The following ITGBL1 variants were observed in gnomAD, a reference collection of about 807,000 sequenced individuals.
The protein encoded by ITGBL1 is integrin beta-like protein 1.
In ITGBL1, 51 loss-of-function variants were observed where a neutral mutation model predicts 68.5. That is an observed-to-expected ratio of 0.74 (90% CI 0.59 to 0.94). The LOEUF is 0.94. Ranked by LOEUF, ITGBL1 falls within the 40% of genes least tolerant of loss-of-function variation. ITGBL1 has a pLI of 0.00. For missense variants in ITGBL1, 649 were observed against 647.4 expected (o/e 1.00, Z -0.03); for synonymous variants, 209 against 227.3 (o/e 0.92, Z 0.72).
chr13:101,465,024 A>T (rs2048365054), intron 2 of ITGBL1, among the ~76,000 whole-genome samples: 1 of 152,206 alleles, frequency 6.6e-6, no homozygotes, highest in Non-Finnish European at 1.5e-5. Flanking sequence ...GAAAACAATG[A>T]CGTATCATTT....
intron 2 of ITGBL1, among the ~76,000 whole-genome samples, chr13:101,492,564 G>C (rs1308118046): frequency 2.6e-5 from 4 of 152,158 alleles, no homozygotes; most frequent in Non-Finnish European, 4.4e-5. Context: ...GCCCTAAGAG[G>C]GTGGTCTGGA....
intron 7 of ITGBL1, among the ~76,000 whole-genome samples, chr13:101,635,371 A>T (rs1055756338): frequency 2.0e-5 from 3 of 152,130 alleles, no homozygotes; most frequent in African/African-American, 7.2e-5. Context: ...CGAAAATAAC[A>T]TCTATTTCAA....
chr13:101,714,810 C>T, intron 10 of ITGBL1: 1 of 485,064 alleles, frequency 2.1e-6, no homozygotes, highest in Non-Finnish European at 3.7e-6. Flanking sequence ...TCCCCACCCT[C>T]AAACTCACAT....
chr13:101,586,047 C>T (rs114202973), intron 6 of ITGBL1, among the ~76,000 whole-genome samples: 4 of 152,228 alleles, frequency 2.6e-5, no homozygotes, highest in African/African-American at 9.6e-5. Context: ...TGAACTGACA[C>T]TTCAATCCTC....
intron 2 of ITGBL1, among the ~76,000 whole-genome samples, chr13:101,547,890 T>G: frequency 6.7e-6 from 1 of 149,208 alleles, no homozygotes; most frequent in Non-Finnish European, 1.5e-5. Flanking sequence ...TAAATATGTG[T>G]ATATATCTCT....
At chr13:101,550,008 C>T (rs932133978) in intron 2 of ITGBL1, among the ~76,000 whole-genome samples, 1 of 152,004 alleles carries the variant, frequency 6.6e-6, no homozygotes, top group Non-Finnish European at 1.5e-5. Flanking sequence ...GGTAAATGGT[C>T]AAAAACTAGT....
chr13:101,685,963 T>G (rs564929861), intron 7 of ITGBL1, among the ~76,000 whole-genome samples: 78 of 152,210 alleles, frequency 5.1e-4, no homozygotes, highest in African/African-American at 1.8e-3. Context: ...GTACAGAGAA[T>G]TGGCCACTGG....
At chr13:101,464,463 G>A (rs2048356058) in intron 2 of ITGBL1, among the ~76,000 whole-genome samples, 1 of 151,692 alleles carries the variant, frequency 6.6e-6, no homozygotes, top group South Asian at 2.1e-4. Context: ...TATATATGTA[G>A]TTTTTTACAT....
intron 2 of ITGBL1, among the ~76,000 whole-genome samples, chr13:101,544,072 C>A (rs1444930391): frequency 6.6e-6 from 1 of 152,340 alleles, no homozygotes; most frequent in Non-Finnish European, 1.5e-5. Flanking sequence ...CATTCTCCAT[C>A]TAGCTTTGTT....
At chr13:101,623,979 A>G (rs1375358894) in intron 7 of ITGBL1, among the ~76,000 whole-genome samples, 2 of 152,112 alleles carry the variant, frequency 1.3e-5, no homozygotes, top group South Asian at 2.1e-4. Context: ...CTGGCTAAAC[A>G]TCTCCCCCCA....
intron 5 of ITGBL1, among the ~76,000 whole-genome samples, chr13:101,581,752 C>T (rs758211129): frequency 1.2e-4 from 19 of 152,246 alleles, no homozygotes; most frequent in Middle Eastern, 3.4e-3. Context: ...TCTGAACATA[C>T]ACTTGTGTGT....
chr13:101,715,229 A>G, intron 10 of ITGBL1: 1 of 217,014 alleles, frequency 4.6e-6, no homozygotes, highest in Non-Finnish European at 9.2e-6. Flanking sequence ...TATGTCAAAG[A>G]GCCTTATGTT....
At chr13:101,509,605 A>G (rs1401887349) in intron 2 of ITGBL1, among the ~76,000 whole-genome samples, 2 of 152,142 alleles carry the variant, frequency 1.3e-5, no homozygotes, top group Non-Finnish European at 2.9e-5. Flanking sequence ...ATTGGATGAT[A>G]AGGTTTGTAC....
intron 7 of ITGBL1, among the ~76,000 whole-genome samples, chr13:101,669,263 T>C (rs758396592): frequency 2.6e-5 from 4 of 151,538 alleles, no homozygotes; most frequent in Non-Finnish European, 5.9e-5. Flanking sequence ...GCAAAGAAGG[T>C]TATGAGGAAG....
intron 2 of ITGBL1, among the ~76,000 whole-genome samples, chr13:101,504,150 C>A (rs1243196525): frequency 6.6e-6 from 1 of 152,128 alleles, no homozygotes; most frequent in Admixed American, 6.6e-5. Context: ...GCTTTATAAA[C>A]ATATATTTCC....
rs2031465289 is a variant in ITGBL1, at chr13:101,618,690, C to T, written c.1015+20391C>T. ...CATGGGTTGACGCAACAGCCTCCAA[C>T]ACACACGTTTCTGCTTTTATCAGCC... On this transcript the variant is annotated intron_variant, in intron 7 of 10. Coordinates refer to ENST00000376180, the MANE Select transcript of ITGBL1 (RefSeq NM_004791.3). Among the ~76,000 whole-genome samples the T allele has an allele frequency of 2.6e-5, 4 of 152,170 alleles. No individual in the cohort carries two copies. The South Asian group carries it at 8.3e-4, about 32-fold the overall frequency.
chr13:101,572,576 G>T (rs1406441857), intron 3 of ITGBL1, among the ~76,000 whole-genome samples: 2 of 152,140 alleles, frequency 1.3e-5, no homozygotes, highest in Non-Finnish European at 2.9e-5. Flanking sequence ...AACCACGAGA[G>T]AGAAGCTGTG....
chr13:101,472,430 A>G (rs530436321), intron 2 of ITGBL1, among the ~76,000 whole-genome samples: 1 of 152,316 alleles, frequency 6.6e-6, no homozygotes, highest in East Asian at 1.9e-4. Context: ...TGCGTTTTCT[A>G]CCTTAAAATA....
intron 7 of ITGBL1, among the ~76,000 whole-genome samples, chr13:101,606,122 A>C (rs1481038943): frequency 6.8e-6 from 1 of 146,184 alleles, no homozygotes. Flanking sequence ...CTATATATAT[A>C]TATAGCCTTC....
Sources: gnomAD v4.1 joint callset for allele counts (sites outside exome capture counted in the v4.1 genomes callset) on GRCh38, gnomAD v4.1.1 for gene constraint, MANE v1.5 for transcripts, NCBI Gene and HGNC (gene_info 2026-07-23, HGNC 2026-07-21) for gene names.